The following LARP1B variants were observed in gnomAD, a reference collection of about 807,000 sequenced individuals.
LARP1B encodes La ribonucleoprotein 1B.
Under a neutral mutation model 114.2 loss-of-function variants are expected in LARP1B, and 76 were observed. The ratio of observed to expected loss-of-function variants is 0.67; its 90% CI spans 0.55 to 0.81. LARP1B has a LOEUF of 0.81. Ranked by LOEUF, LARP1B falls within the 30% of genes least tolerant of loss-of-function variation. LARP1B has a pLI of 0.00. For missense variants in LARP1B, 1,014 were observed against 1,075.8 expected, an observed-to-expected ratio of 0.94 and a Z score of 0.80; for synonymous variants, 345 against 348.0, an observed-to-expected ratio of 0.99 and a Z score of 0.10.
intron 1 of LARP1B, chr4:128,061,690 G>C (rs1267570513): frequency 2.2e-5 from 22 of 984,736 alleles, no homozygotes; most frequent in Non-Finnish European, 2.5e-5. Flanking sequence ...GGGGCAGAGG[G>C]ACGATGTCTA....
At position 128,204,500 on chromosome 4, in the gene LARP1B, C is replaced by T. The variant is rs190561254; in HGVS notation, c.2310-1928C>T. On this transcript the variant is annotated intron_variant, in intron 17 of 19. Transcript: ENST00000326639. Reference sequence around the variant, plus strand: ...TGAAACCCCATCTCTACTAAAAATACAAAAATTAGCCAGACGTGGTGGCAG... The same window carrying T: ...TGAAACCCCATCTCTACTAAAAATATAAAAATTAGCCAGACGTGGTGGCAG... 2.3e-3 allele frequency among the ~76,000 whole-genome samples: 349 copies of T among 151,710 alleles called. 1 individual carries two copies. The highest frequency in any genetic ancestry group is 8.0e-3 in the African/African-American group (331 of 41,390).
chr4:128,091,788 G>A (rs1776015102), intron 7 of LARP1B, among the ~76,000 whole-genome samples: 1 of 152,022 alleles, frequency 6.6e-6, no homozygotes, highest in Admixed American at 6.6e-5. Context: ...GTAGAGAACG[G>A]GTTTTGCCAT....
At chr4:128,075,538 C>G (rs2149395840) in intron 3 of LARP1B, among the ~76,000 whole-genome samples, 1 of 150,838 alleles carries the variant, frequency 6.6e-6, no homozygotes, top group Non-Finnish European at 1.5e-5. Context: ...TTATTTCTTT[C>G]TTTCTTTTCT....
intron 15 of LARP1B, among the ~76,000 whole-genome samples, chr4:128,182,204 C>T (rs1047862445): frequency 6.7e-6 from 1 of 149,716 alleles, no homozygotes; most frequent in Non-Finnish European, 1.5e-5. Flanking sequence ...ACCGTAACCT[C>T]CCAGACTCAA....
At chr4:128,113,392 A>C (rs1784773098) in intron 9 of LARP1B, among the ~76,000 whole-genome samples, 2 of 138,828 alleles carry the variant, frequency 1.4e-5, no homozygotes, top group African/African-American at 2.7e-5. Flanking sequence ...TCTGTCGCCC[A>C]GGCTGGAGCG....
At chr4:128,061,801 G>GCCGCCC (rs1760211347) in intron 1 of LARP1B, 1 of 984,780 alleles carries the variant, frequency 1.0e-6, no homozygotes, top group Non-Finnish European at 1.2e-6. Context: ...CGGCCGAGCA[G>GCCGCCC]CCGCCCCCGC....
rs878928954 is a variant in LARP1B at position 128,210,283 on chromosome 4, A to ATAG, written c.*232_*234dup. 2.6e-5 allele frequency: 35 copies of ATAG among 1,355,936 alleles called. No individual in the cohort carries two copies. In the South Asian group the frequency reaches 6.1e-4, roughly 23 times the overall value. 84.0% of individuals were successfully genotyped at this position (1,355,936 alleles called of 1,614,324 possible). The stretch of plus-strand genomic sequence containing the variant: ...GTTTTCCCTGATTTCACAAACAAGG[A>ATAG]TAGTCTTGGTGACCTTTTATAGAGA... On this transcript the variant is annotated 3_prime_UTR_variant, in exon 20 of 20. Transcript: ENST00000326639.
At chr4:128,220,559 T>A (rs1218367532) in intron 7 of LARP1B, 1 of 154,988 alleles carries the variant, frequency 6.5e-6, no homozygotes, top group Admixed American at 6.5e-5. Context: ...CGTTACGTGG[T>A]TAGGCATTGC....
chr4:128,097,494 A>T (rs954735932), intron 7 of LARP1B, among the ~76,000 whole-genome samples: 1 of 151,680 alleles, frequency 6.6e-6, no homozygotes, highest in Non-Finnish European at 1.5e-5. Context: ...TTTAGTAGAG[A>T]CAGGTTTTCT....
intron 19 of LARP1B, 71 bp from the exon 20 acceptor site, chr4:128,209,785 G>T: frequency 8.0e-7 from 1 of 1,255,836 alleles, no homozygotes; most frequent in Non-Finnish European, 1.2e-6. Context: ...TTGGGGAAAA[G>T]TCTAGCCTTA....
Position 128,210,914 on chromosome 4 carries a change from T to C in LARP1B, c.*861T>C, listed in dbSNP as rs1377074447. 2.4e-5 allele frequency: 23 copies of C among 969,156 alleles called. No homozygotes were observed. The highest frequency in any genetic ancestry group is 2.7e-5 in the Non-Finnish European group (22 of 815,178). The allele number at this position is 969,156 out of a possible 1,614,324, so 60.0% of individuals were successfully genotyped here. On this transcript the variant is annotated 3_prime_UTR_variant, in exon 20 of 20. Coordinates refer to ENST00000326639, the MANE Select transcript of LARP1B (RefSeq NM_018078.4). ...CACTGTTTTGAATGCATCTGCTATTTATACATCTGCAAGTGGGTATGTCAT... is the reference window on the plus strand; with the variant it reads ...CACTGTTTTGAATGCATCTGCTATTCATACATCTGCAAGTGGGTATGTCAT...
intron 1 of LARP1B, among the ~76,000 whole-genome samples, chr4:128,063,118 G>C (rs769541821): frequency 7.9e-5 from 12 of 152,048 alleles, no homozygotes; most frequent in Admixed American, 2.0e-4. Flanking sequence ...TTTGATTGTA[G>C]TAACTGCAAC....
chr4:128,133,022 A>G (rs900084332), intron 11 of LARP1B, among the ~76,000 whole-genome samples: 2 of 151,980 alleles, frequency 1.3e-5, no homozygotes, highest in African/African-American at 2.4e-5. Context: ...TCATGCTCCT[A>G]TGAGAATCTA....
intron 11 of LARP1B, chr4:128,123,744 C>G: frequency 1.0e-6 from 1 of 969,378 alleles, no homozygotes; most frequent in Middle Eastern, 5.3e-4. Flanking sequence ...AATATTTGTT[C>G]TGTGGGAAAT....
At chr4:128,130,588 C>G (rs1213917229) in intron 11 of LARP1B, among the ~76,000 whole-genome samples, 6 of 152,150 alleles carry the variant, frequency 3.9e-5, no homozygotes, top group Non-Finnish European at 8.8e-5. Context: ...TTCCTGGTGG[C>G]AATGCAAAAC....
At chr4:128,107,876 T>C (rs949786378) in intron 9 of LARP1B, 1 of 1,536,028 alleles carries the variant, frequency 6.5e-7, no homozygotes. Flanking sequence ...GCTTAAACTT[T>C]TTTCAGTCAG....
chr4:128,099,030 C>T (rs1779318683), intron 8 of LARP1B, among the ~76,000 whole-genome samples: 1 of 150,920 alleles, frequency 6.6e-6, no homozygotes, highest in African/African-American at 2.4e-5. Flanking sequence ...CCCACCTTCG[C>T]CTCCCAAAAT....
chr4:128,081,994 C>T (rs1376906475), intron 4 of LARP1B, among the ~76,000 whole-genome samples, 171 bp from the exon 5 acceptor site: 2 of 152,220 alleles, frequency 1.3e-5, no homozygotes, highest in African/African-American at 4.8e-5. Flanking sequence ...CCGCGGCCTC[C>T]CAAAGTGCTG....
chr4:128,081,826 C>G (rs985363536), intron 4 of LARP1B, among the ~76,000 whole-genome samples: 3 of 152,208 alleles, frequency 2.0e-5, no homozygotes, highest in African/African-American at 7.2e-5. Context: ...GCTCCGCTTC[C>G]CAGGCTCAAG....
Sources: gnomAD v4.1 joint callset for allele counts (sites outside exome capture counted in the v4.1 genomes callset) on GRCh38, gnomAD v4.1.1 for gene constraint, MANE v1.5 for transcripts, NCBI Gene and HGNC (gene_info 2026-07-23, HGNC 2026-07-21) for gene names.